INSL6: variants seen among roughly 807,000 people sequenced by gnomAD.
The protein encoded by INSL6 is insulin like 6, also known as insulin-like peptide INSL6.
A neutral mutation model predicts 9.4 loss-of-function variants in INSL6; 16 were observed. The ratio of observed to expected loss-of-function variants is 1.70; its 90% CI spans 1.15 to 2.59. INSL6 has a LOEUF of 2.59. INSL6 is among the 30% of genes most tolerant of loss of function. The pLI, the probability that INSL6 is intolerant of heterozygous loss-of-function variation, is 0.00. For synonymous variants in INSL6, 154 were observed against 96.9 expected, an observed-to-expected ratio of 1.59 and a Z score of -3.46; for missense variants, 391 against 257.3, an observed-to-expected ratio of 1.52 and a Z score of -3.56.
the INSL6 span, among the ~76,000 whole-genome samples, chr9:5,028,090 C>A: frequency 3.3e-5 from 5 of 152,158 alleles, no homozygotes; most frequent in African/African-American, 1.2e-4. Flanking sequence ...TTGCTTAGAT[C>A]TGTGAGAGGA....
the INSL6 span, among the ~76,000 whole-genome samples, chr9:5,060,186 A>G: frequency 6.6e-6 from 1 of 152,220 alleles, no homozygotes; most frequent in Non-Finnish European, 1.5e-5. Context: ...GAGCCTCCAG[A>G]GAGTTATAAT....
chr9:5,019,418 C>T, the INSL6 span, among the ~76,000 whole-genome samples: 1 of 152,064 alleles, frequency 6.6e-6, no homozygotes, highest in African/African-American at 2.4e-5. Context: ...GTAAATTTCT[C>T]ATTGATATCC....
intron 1 of INSL6, among the ~76,000 whole-genome samples, chr9:5,178,026 C>A (rs1447527646): frequency 1.3e-5 from 2 of 152,186 alleles, no homozygotes; most frequent in African/African-American, 4.8e-5. Context: ...CAGGCACATG[C>A]CACCATGCCT....
the INSL6 span, among the ~76,000 whole-genome samples, chr9:5,102,510 G>C: frequency 1.3e-5 from 2 of 152,114 alleles, no homozygotes; most frequent in Admixed American, 1.3e-4. Flanking sequence ...TACCAAGGCA[G>C]GCCAACATTC....
At chr9:5,021,931 C>T in the INSL6 span, 2 of 1,327,230 alleles carry the variant, frequency 1.5e-6, no homozygotes, top group African/African-American at 1.4e-5. Flanking sequence ...CTGCGCCCAG[C>T]CCATTTGTAA....
At chr9:5,010,243 T>C in the INSL6 span, among the ~76,000 whole-genome samples, 1 of 152,346 alleles carries the variant, frequency 6.6e-6, no homozygotes, top group South Asian at 2.1e-4. Context: ...TCCTTTTAGC[T>C]ACTGTTGTTA....
At chr9:5,087,630 G>A in the INSL6 span, among the ~76,000 whole-genome samples, 1 of 152,202 alleles carries the variant, frequency 6.6e-6, no homozygotes, top group Non-Finnish European at 1.5e-5. Flanking sequence ...GCCTATCAAA[G>A]TGACAAGGAT....
At chr9:5,094,167 C>T in the INSL6 span, 1 of 152,130 alleles carries the variant, frequency 6.6e-6, no homozygotes, top group African/African-American at 2.4e-5. Flanking sequence ...TTACACTTAA[C>T]AGTTACGCAA....
chr9:5,000,524 A>G, the INSL6 span, among the ~76,000 whole-genome samples: 71 of 152,326 alleles, frequency 4.7e-4, no homozygotes, highest in African/African-American at 1.7e-3. Context: ...CATTGTGTAG[A>G]TGGTTTTCTA....
At chr9:4,995,162 T>C in the INSL6 span, among the ~76,000 whole-genome samples, 1 of 152,336 alleles carries the variant, frequency 6.6e-6, no homozygotes, top group East Asian at 1.9e-4. Flanking sequence ...TAATTTGCTT[T>C]TTATTCTCCT....
At chr9:5,072,652 T>C in the INSL6 span, 3 of 1,538,606 alleles carry the variant, frequency 1.9e-6, no homozygotes, top group East Asian at 2.3e-5. Context: ...ATATTGTTCA[T>C]GTAGTTTATG....
chr9:5,087,044 C>G, the INSL6 span, among the ~76,000 whole-genome samples: 1 of 152,070 alleles, frequency 6.6e-6, no homozygotes, highest in South Asian at 2.1e-4. Context: ...AGAAAAAAAT[C>G]AGATATAAAT....
intron 2 of INSL6, among the ~76,000 whole-genome samples, chr9:5,135,978 C>G (rs568175348): frequency 1.3e-5 from 2 of 152,026 alleles, no homozygotes; most frequent in East Asian, 3.9e-4. Flanking sequence ...AAACTACCAT[C>G]GGGAATACTA....
chr9:5,160,476 AG>A (rs1174838809), downstream of INSL6, among the ~76,000 whole-genome samples: 7 of 152,178 alleles, frequency 4.6e-5, no homozygotes, highest in Non-Finnish European at 1.0e-4. Context: ...TGTAGCTAAA[AG>A]TGAAGTGCCT....
intron 1 of INSL6, among the ~76,000 whole-genome samples, chr9:5,184,446 C>A (rs1759442731): frequency 6.6e-6 from 1 of 152,158 alleles, no homozygotes; most frequent in Non-Finnish European, 1.5e-5. Flanking sequence ...ACCAATGAAT[C>A]TGGAACAAGA....
chr9:5,131,539 G>A (rs1824286420), intron 3 of INSL6, among the ~76,000 whole-genome samples: 1 of 149,462 alleles, frequency 6.7e-6, no homozygotes. Context: ...CTGGGTTCAA[G>A]TGATTCTCCT....
At chr9:5,069,915 A>AT in the INSL6 span, 1 of 1,564,198 alleles carries the variant, frequency 6.4e-7, no homozygotes, top group Non-Finnish European at 8.7e-7. Flanking sequence ...TATGTATTTT[A>AT]TTTTTTCAGA....
At chr9:5,156,078 G>T (rs565153485) in intron 2 of INSL6, among the ~76,000 whole-genome samples, 10 of 152,106 alleles carry the variant, frequency 6.6e-5, no homozygotes, top group African/African-American at 2.2e-4. Context: ...GGAATATGAT[G>T]AAAAACTTTA....
the INSL6 span, among the ~76,000 whole-genome samples, chr9:5,020,790 G>C: frequency 6.6e-6 from 1 of 152,150 alleles, no homozygotes; most frequent in African/African-American, 2.4e-5. Flanking sequence ...AGAGGCGGCA[G>C]CCAGCAATGG....
Sources: gnomAD v4.1 joint callset for allele counts (sites outside exome capture counted in the v4.1 genomes callset) on GRCh38, gnomAD v4.1.1 for gene constraint, MANE v1.5 for transcripts, NCBI Gene and HGNC (gene_info 2026-07-23, HGNC 2026-07-21) for gene names.